SNX29: variants seen among roughly 807,000 people sequenced by gnomAD.
The protein encoded by SNX29 is sorting nexin 29.
A neutral mutation model predicts 102.1 loss-of-function variants in SNX29; 78 were observed. That is an observed-to-expected ratio of 0.76 (90% CI 0.64 to 0.92). The LOEUF (loss-of-function observed/expected upper bound fraction) is 0.92. Among genes scored for constraint, SNX29 ranks in the 40% least tolerant of loss-of-function variants. The pLI, the probability that SNX29 is intolerant of heterozygous loss-of-function variation, is 0.00. For missense variants in SNX29, 1,280 were observed against 1,061.7 expected (o/e 1.21, Z -2.86); for synonymous variants, 580 against 414.5 (o/e 1.40, Z -4.85).
intron 4 of SNX29, among the ~76,000 whole-genome samples, chr16:12,040,502 T>G (rs1339590298): frequency 6.6e-6 from 1 of 152,222 alleles, no homozygotes; most frequent in Non-Finnish European, 1.5e-5. Context: ...AAACAAACTT[T>G]CTTAGGTTTC....
At chr16:12,087,556 C>G (rs1038491416) in intron 11 of SNX29, 44 of 327,412 alleles carry the variant, frequency 1.3e-4, no homozygotes, top group Non-Finnish European at 2.5e-4. Context: ...GTGATCATGA[C>G]ACTGTACCCC....
At chr16:12,482,699 A>G (rs1597553390) in intron 19 of SNX29, among the ~76,000 whole-genome samples, 1 of 152,354 alleles carries the variant, frequency 6.6e-6, no homozygotes, top group African/African-American at 2.4e-5. Flanking sequence ...ATTCAAGGAA[A>G]TAGCAAGCGT....
At chr16:12,224,107 G>T (rs980760042) in intron 14 of SNX29, among the ~76,000 whole-genome samples, 5 of 152,280 alleles carry the variant, frequency 3.3e-5, no homozygotes, top group African/African-American at 1.2e-4. Context: ...GAGCTGGGTG[G>T]AACTCTTTTT....
chr16:12,425,539 A>T lies in SNX29; in HGVS notation c.2037+22010A>T, dbSNP rs199806821. Among the ~76,000 whole-genome samples the T allele has an allele frequency of 2.1e-3, 167 of 79,054 alleles. 4 individuals carry two copies. Among genetic ancestry groups the T allele is most frequent in the Non-Finnish European group, 2.9e-3 (76 of 26,266 alleles). 51.9% of individuals were successfully genotyped at this position (79,054 alleles called of 152,430 possible). On this transcript the variant is annotated intron_variant, in intron 18 of 20. Coordinates refer to ENST00000566228, the MANE Select transcript of SNX29 (RefSeq NM_032167.5). ...CCAAATGACCAGAGTTAAAAAAAAA[A>T]AAAAATAAAAAAAATAAAAAGAGGG...
At chr16:12,561,143 T>A (rs898077567) in intron 20 of SNX29, 4 of 229,072 alleles carry the variant, frequency 1.7e-5, no homozygotes, top group African/African-American at 6.6e-5. Flanking sequence ...GGCCCAGGTG[T>A]TGCCTAGGAA....
intron 14 of SNX29, among the ~76,000 whole-genome samples, chr16:12,215,191 A>G (rs142137323): frequency 7.2e-5 from 11 of 152,162 alleles, no homozygotes; most frequent in African/African-American, 2.6e-4. Context: ...GGGAGAACTG[A>G]AGCTTAGAAA....
chr16:12,259,602 G>T (rs1164009171), intron 14 of SNX29, among the ~76,000 whole-genome samples: 1 of 152,200 alleles, frequency 6.6e-6, no homozygotes, highest in African/African-American at 2.4e-5. Flanking sequence ...CCTTGAATAT[G>T]ATTGTCTTCC....
intron 13 of SNX29, among the ~76,000 whole-genome samples, chr16:12,149,033 T>C (rs1340647295): frequency 6.6e-6 from 1 of 152,198 alleles, no homozygotes; most frequent in African/African-American, 2.4e-5. Context: ...CCGATAGATC[T>C]ATTCCAAGGA....
At chr16:12,021,673 A>C (rs2057025625) in intron 3 of SNX29, among the ~76,000 whole-genome samples, 2 of 152,066 alleles carry the variant, frequency 1.3e-5, no homozygotes, top group African/African-American at 4.8e-5. Flanking sequence ...GGATCACTTG[A>C]GGTCAGCAGT....
intron 14 of SNX29, among the ~76,000 whole-genome samples, chr16:12,211,688 A>G (rs1281222195): frequency 1.3e-5 from 2 of 152,166 alleles, no homozygotes; most frequent in African/African-American, 4.8e-5. Flanking sequence ...GAGTCCAGAG[A>G]GAAACTGATG....
intron 11 of SNX29, among the ~76,000 whole-genome samples, chr16:12,106,331 C>T (rs541404268): frequency 6.6e-6 from 1 of 152,082 alleles, no homozygotes; most frequent in South Asian, 2.1e-4. Context: ...TTTCTTTCTT[C>T]CCACTTGACA....
chr16:12,417,827 T>C (rs972121432), intron 18 of SNX29, among the ~76,000 whole-genome samples: 11 of 152,122 alleles, frequency 7.2e-5, no homozygotes, highest in Admixed American at 2.0e-4. Flanking sequence ...AGGAAATTCA[T>C]AATTTCCTGC....
chr16:12,468,792 A>T (rs1436132178), intron 18 of SNX29, among the ~76,000 whole-genome samples: 11 of 152,178 alleles, frequency 7.2e-5, no homozygotes, highest in Admixed American at 6.5e-4. Flanking sequence ...GGGAAAATTG[A>T]GGAGGGTCTT....
At chr16:12,114,304 A>G (rs1214797910) in intron 11 of SNX29, among the ~76,000 whole-genome samples, 2 of 152,132 alleles carry the variant, frequency 1.3e-5, no homozygotes, top group Non-Finnish European at 2.9e-5. Context: ...TTTCAGGTCT[A>G]CCCCTGAAGG....
intron 19 of SNX29, among the ~76,000 whole-genome samples, chr16:12,499,428 G>C (rs1262024761): frequency 6.6e-6 from 1 of 152,186 alleles, no homozygotes; most frequent in African/African-American, 2.4e-5. Context: ...ATCTTTTCCA[G>C]ATTCTCAAGG....
intron 20 of SNX29, chr16:12,527,355 A>G (rs1054878129): frequency 6.3e-6 from 3 of 473,284 alleles, no homozygotes. Context: ...ATTTCTGGTT[A>G]AAAAAAAATA....
At chr16:12,091,544 T>C (rs1247946955) in intron 11 of SNX29, among the ~76,000 whole-genome samples, 1 of 150,262 alleles carries the variant, frequency 6.7e-6, no homozygotes, top group Non-Finnish European at 1.5e-5. Context: ...CCCAGCACTT[T>C]GGGAGGCTGA....
rs377651408 is a variant in SNX29, at chr16:12,349,493, G to A, written c.1783-6670G>A. On this transcript the variant is annotated intron_variant, in intron 15 of 20. Coordinates refer to ENST00000566228, the MANE Select transcript of SNX29 (RefSeq NM_032167.5). ...CAAAATCCCAAATTCAAAATATTCCGGAAGTCAGCATATTTTGAGTGCTGA... is the reference window on the plus strand; with the variant it reads ...CAAAATCCCAAATTCAAAATATTCCAGAAGTCAGCATATTTTGAGTGCTGA... Among the ~76,000 whole-genome samples the A allele has an allele frequency of 1.4e-4, 21 of 152,268 alleles. No homozygotes were observed. The East Asian group carries it at 2.7e-3, about 20-fold the overall frequency.
intron 13 of SNX29, among the ~76,000 whole-genome samples, chr16:12,193,148 GT>G (rs1308435058): frequency 6.6e-6 from 1 of 152,174 alleles, no homozygotes; most frequent in Non-Finnish European, 1.5e-5. Context: ...TTATCATAAT[GT>G]TTTTGGAGTT....
Sources: gnomAD v4.1 joint callset for allele counts (sites outside exome capture counted in the v4.1 genomes callset) on GRCh38, gnomAD v4.1.1 for gene constraint, MANE v1.5 for transcripts, NCBI Gene and HGNC (gene_info 2026-07-23, HGNC 2026-07-21) for gene names.